CALN1: variants seen among roughly 807,000 people sequenced by gnomAD.
The protein encoded by CALN1 is calneuron 1.
CALN1 carries 17 observed loss-of-function variants against 30.6 expected under a neutral mutation model. The observed-to-expected ratio is 0.56, with a 90% CI of 0.38 to 0.83. CALN1 has a LOEUF of 0.83. CALN1 is among the 40% of genes least tolerant of loss of function. The pLI is 0.00. For missense variants in CALN1, 291 were observed against 354.9 expected (o/e 0.82, Z 1.45); for synonymous variants, 156 against 131.4 (o/e 1.19, Z -1.28).
At chr7:71,845,538 T>C (rs1214324561) in intron 5 of CALN1, among the ~76,000 whole-genome samples, 3 of 152,166 alleles carry the variant, frequency 2.0e-5, no homozygotes, top group East Asian at 1.9e-4. Context: ...TTTGGCCTTA[T>C]TGCAAGGGTC....
At chr7:72,340,190 G>C (rs968695282) in intron 2 of CALN1, among the ~76,000 whole-genome samples, 27 of 152,276 alleles carry the variant, frequency 1.8e-4, no homozygotes, top group African/African-American at 6.3e-4. Context: ...CGTATTTTTA[G>C]ACAAAGCTTT....
chr7:71,880,246 G>A (rs1216250844), intron 5 of CALN1, among the ~76,000 whole-genome samples: 1 of 152,138 alleles, frequency 6.6e-6, no homozygotes, highest in African/African-American at 2.4e-5. Flanking sequence ...AGTGAAAGAG[G>A]GAAAGAAATT....
At chr7:72,378,245 G>A (rs1426436604) in intron 2 of CALN1, among the ~76,000 whole-genome samples, 1 of 152,034 alleles carries the variant, frequency 6.6e-6, no homozygotes, top group Non-Finnish European at 1.5e-5. Context: ...TGTGAATGAG[G>A]TTTATTCTAT....
At chr7:72,211,855 A>G (rs529750981) in intron 3 of CALN1, among the ~76,000 whole-genome samples, 92 of 152,272 alleles carry the variant, frequency 6.0e-4, no homozygotes, top group Non-Finnish European at 9.0e-4. Flanking sequence ...AAATGGAAAT[A>G]TGATAGTGTT....
intron 4 of CALN1, among the ~76,000 whole-genome samples, chr7:72,088,297 A>C (rs1294654878): frequency 1.3e-5 from 2 of 152,220 alleles, no homozygotes. Context: ...TAATGATTAC[A>C]TCCTAAGCCA....
chr7:72,403,861 C>T (rs1206560018), intron 1 of CALN1, among the ~76,000 whole-genome samples: 1 of 152,166 alleles, frequency 6.6e-6, no homozygotes. Context: ...AAATGGGGGA[C>T]TGAGCTGGAA....
At chr7:72,304,432 C>T (rs1799509543) in intron 2 of CALN1, among the ~76,000 whole-genome samples, 1 of 152,096 alleles carries the variant, frequency 6.6e-6, no homozygotes, top group South Asian at 2.1e-4. Flanking sequence ...TGCCTGAGCC[C>T]AGGAGTTCCA....
intron 3 of CALN1, among the ~76,000 whole-genome samples, chr7:72,195,715 G>A (rs1044352612): frequency 6.6e-6 from 1 of 152,058 alleles, no homozygotes; most frequent in African/African-American, 2.4e-5. Context: ...CATTCTTGGT[G>A]GCTAACACAG....
intron 3 of CALN1, among the ~76,000 whole-genome samples, chr7:72,153,006 A>G (rs556979886): frequency 6.6e-6 from 1 of 152,286 alleles, no homozygotes; most frequent in East Asian, 1.9e-4. Flanking sequence ...GTATCAATCA[A>G]AGCAACCACT....
At chr7:71,884,518 G>A (rs556596139) in intron 5 of CALN1, among the ~76,000 whole-genome samples, 7 of 151,910 alleles carry the variant, frequency 4.6e-5, no homozygotes, top group Non-Finnish European at 1.0e-4. Context: ...TCCAGCTTGG[G>A]CCAGATCGAT....
upstream of CALN1, among the ~76,000 whole-genome samples, chr7:72,415,828 A>G (rs1164659384): frequency 1.3e-5 from 2 of 152,098 alleles, no homozygotes; most frequent in Non-Finnish European, 2.9e-5. Flanking sequence ...GGACGGTGAC[A>G]CCGCCTGCAG....
At chr7:72,192,681 A>T (rs1184333488) in intron 3 of CALN1, among the ~76,000 whole-genome samples, 2 of 148,164 alleles carry the variant, frequency 1.3e-5, no homozygotes, top group Admixed American at 6.8e-5. Context: ...TTATACTTTA[A>T]GTTTTAGGGT....
intron 5 of CALN1, among the ~76,000 whole-genome samples, chr7:71,929,379 G>GTACT (rs1234308192): frequency 6.6e-6 from 1 of 152,170 alleles, no homozygotes; most frequent in African/African-American, 2.4e-5. Context: ...AGAACATGCA[G>GTACT]TACTGGTATT....
chr7:72,389,559 G>C (rs1239190133), intron 2 of CALN1, among the ~76,000 whole-genome samples: 1 of 152,154 alleles, frequency 6.6e-6, no homozygotes, highest in Non-Finnish European at 1.5e-5. Flanking sequence ...GTCTCCTTAA[G>C]AAGTCAAATG....
At chr7:71,918,672 G>A (rs17144119) in intron 5 of CALN1, among the ~76,000 whole-genome samples, 8,706 of 152,234 alleles carry the variant, frequency 0.057, 349 homozygotes, top group Non-Finnish European at 0.082. Context: ...CAAAATGCAC[G>A]TTCCCAGAAG....
chr7:72,346,924 G>A (rs971348305), intron 2 of CALN1, among the ~76,000 whole-genome samples: 2 of 152,192 alleles, frequency 1.3e-5, no homozygotes, highest in African/African-American at 4.8e-5. Context: ...CACAGTAGAA[G>A]AGATTAGCGA....
intron 5 of CALN1, among the ~76,000 whole-genome samples, chr7:71,981,155 C>T (rs1562953753): frequency 6.6e-6 from 1 of 152,138 alleles, no homozygotes; most frequent in Non-Finnish European, 1.5e-5. Flanking sequence ...ACTCCCTTAG[C>T]CCTCGTTATA....
chr7:71,926,540 A>G (rs932324371), intron 5 of CALN1, among the ~76,000 whole-genome samples: 1 of 152,276 alleles, frequency 6.6e-6, no homozygotes, highest in Non-Finnish European at 1.5e-5. Flanking sequence ...GATGTCTTAT[A>G]TTATTTGTAG....
intron 4 of CALN1, among the ~76,000 whole-genome samples, chr7:72,081,967 A>C (rs1003125614): frequency 1.3e-5 from 2 of 151,940 alleles, no homozygotes; most frequent in Non-Finnish European, 2.9e-5. Context: ...CTTCAAGAGG[A>C]GGCTGCCTAA....
Sources: gnomAD v4.1 joint callset for allele counts (sites outside exome capture counted in the v4.1 genomes callset) on GRCh38, gnomAD v4.1.1 for gene constraint, MANE v1.5 for transcripts, NCBI Gene and HGNC (gene_info 2026-07-23, HGNC 2026-07-21) for gene names.